RIC1: variants seen among roughly 807,000 people sequenced by gnomAD.
RIC1 encodes the protein guanine nucleotide exchange factor subunit RIC1.
In RIC1, 88 loss-of-function variants were observed where a neutral mutation model predicts 169.0. That is an observed-to-expected ratio of 0.52 (90% CI 0.44 to 0.62). RIC1 has a LOEUF of 0.62. Among genes scored for constraint, RIC1 ranks in the 20% least tolerant of loss-of-function variants. The probability of loss-of-function intolerance (pLI) is 0.00; values close to 1 mark genes in which losing one functional copy is unlikely to be tolerated. For synonymous variants in RIC1, 790 were observed against 601.5 expected (o/e 1.31, Z -4.59); for missense variants, 1,877 against 1,725.5 (o/e 1.09, Z -1.56).
intron 1 of RIC1, among the ~76,000 whole-genome samples, chr9:5,652,851 C>A (rs1458002434): frequency 6.6e-6 from 1 of 152,058 alleles, no homozygotes; most frequent in Non-Finnish European, 1.5e-5. Context: ...TCATATATGG[C>A]TTTTATTGTG....
chr9:5,691,924 C>G (rs1235421435), intron 3 of RIC1, among the ~76,000 whole-genome samples: 1 of 151,952 alleles, frequency 6.6e-6, no homozygotes, highest in Non-Finnish European at 1.5e-5. Flanking sequence ...TATTTTGAGA[C>G]CCACTTTTTG....
intron 3 of RIC1, among the ~76,000 whole-genome samples, chr9:5,693,464 C>T (rs1821704018): frequency 1.3e-5 from 2 of 152,118 alleles, no homozygotes; most frequent in African/African-American, 4.8e-5. Context: ...TATTAAGTGA[C>T]TCTGTACCTC....
intron 2 of RIC1, among the ~76,000 whole-genome samples, chr9:5,689,342 C>G (rs146278087): frequency 6.6e-6 from 1 of 152,186 alleles, no homozygotes; most frequent in South Asian, 2.1e-4. Context: ...TGAGCCACCG[C>G]GCCCGGCCTA....
chr9:5,723,451 G>T (rs1394834560), intron 6 of RIC1, among the ~76,000 whole-genome samples: 2 of 152,160 alleles, frequency 1.3e-5, no homozygotes, highest in Non-Finnish European at 2.9e-5. Context: ...GTAGTTTCTG[G>T]ATATTAGCCC....
At chr9:5,638,484 A>C (rs1324895247) in intron 1 of RIC1, among the ~76,000 whole-genome samples, 1 of 152,110 alleles carries the variant, frequency 6.6e-6, no homozygotes. Context: ...GCTTTTCTTT[A>C]CTGGGAGACT....
At chr9:5,687,975 A>G (rs1183621553) in intron 2 of RIC1, among the ~76,000 whole-genome samples, 1 of 151,860 alleles carries the variant, frequency 6.6e-6, no homozygotes, top group African/African-American at 2.4e-5. Flanking sequence ...TTTTCTGATC[A>G]TTGTCTAACC....
chr9:5,670,442 G>A (rs953329746), intron 2 of RIC1, among the ~76,000 whole-genome samples: 1 of 152,086 alleles, frequency 6.6e-6, no homozygotes. Flanking sequence ...CTTGCCTGAT[G>A]CCTTTAAAAA....
chr9:5,727,443 C>T (rs1042746243), intron 6 of RIC1, among the ~76,000 whole-genome samples: 1 of 152,154 alleles, frequency 6.6e-6, no homozygotes, highest in Non-Finnish European at 1.5e-5. Context: ...TTTGTCTAAT[C>T]TTTTTTCAAG....
intron 1 of RIC1, among the ~76,000 whole-genome samples, chr9:5,646,180 C>G (rs1189010764): frequency 6.6e-6 from 1 of 152,004 alleles, no homozygotes; most frequent in Admixed American, 6.6e-5. Flanking sequence ...TTATTAATGT[C>G]GAGCATCTTT....
At chr9:5,681,114 C>T (rs1820806102) in intron 2 of RIC1, among the ~76,000 whole-genome samples, 1 of 152,070 alleles carries the variant, frequency 6.6e-6, no homozygotes, top group African/African-American at 2.4e-5. Flanking sequence ...GCGTGAGCCA[C>T]CGCGCCCGGC....
At chr9:5,718,362 T>A (rs1462856553) in intron 4 of RIC1, among the ~76,000 whole-genome samples, 4 of 152,096 alleles carry the variant, frequency 2.6e-5, no homozygotes, top group African/African-American at 4.8e-5. Flanking sequence ...AGCCATGAAG[T>A]CTTTGTGTAA....
intron 12 of RIC1, among the ~76,000 whole-genome samples, chr9:5,752,503 C>T (rs575376648): frequency 4.0e-5 from 6 of 151,172 alleles, no homozygotes; most frequent in Admixed American, 1.3e-4. Flanking sequence ...TGCAGTGGCG[C>T]GATCCTGGCT....
rs753074440 is a variant in RIC1, at chr9:5,754,943, T to A, written c.1692+13T>A. ...CCGTCAAGAAGAGGTAAGTTTTTTC[T>A]CTCAGAAATAACAGATTTTTATATT... On this transcript the variant is annotated intron_variant, in intron 15 of 25. Transcript: ENST00000414202. The A allele has an allele frequency of 1.4e-6, 2 of 1,463,914 alleles. No individual in the cohort carries two copies. Among genetic ancestry groups the A allele is most frequent in the Admixed American group, 1.8e-5 (1 of 55,244 alleles). The allele number at this position is 1,463,914 out of a possible 1,614,324, so 90.7% of individuals were successfully genotyped here.
chr9:5,691,288 G>C (rs1027758268), intron 3 of RIC1, among the ~76,000 whole-genome samples: 1 of 151,884 alleles, frequency 6.6e-6, no homozygotes, highest in Non-Finnish European at 1.5e-5. Context: ...AAAATCTAGA[G>C]CAATACAGTA....
At chr9:5,757,106 C>T (rs1202389340) in intron 16 of RIC1, among the ~76,000 whole-genome samples, 3 of 152,164 alleles carry the variant, frequency 2.0e-5, no homozygotes, top group Admixed American at 2.0e-4. Flanking sequence ...ATTTGTTACT[C>T]CCTTTCTTTC....
At chr9:5,759,125 AC>A in intron 17 of RIC1, among the ~76,000 whole-genome samples, 1 of 152,194 alleles carries the variant, frequency 6.6e-6, no homozygotes, top group Admixed American at 6.5e-5. Flanking sequence ...TTTAATGGTA[AC>A]CAGTTAGTCC....
intron 1 of RIC1, among the ~76,000 whole-genome samples, chr9:5,654,444 TCA>T (rs1367851944): frequency 2.0e-5 from 3 of 152,204 alleles, no homozygotes; most frequent in African/African-American, 7.2e-5. Context: ...AGACGGGGTT[TCA>T]CCATGTTGGC....
At chr9:5,647,951 T>TGGG (rs1563866951) in intron 1 of RIC1, among the ~76,000 whole-genome samples, 1 of 113,106 alleles carries the variant, frequency 8.8e-6, no homozygotes, top group Non-Finnish European at 1.8e-5. Flanking sequence ...GTGGTGGTGG[T>TGGG]GGTGGTGGTG....
chr9:5,766,467 A>T (rs1419105157), intron 21 of RIC1, among the ~76,000 whole-genome samples: 1 of 150,802 alleles, frequency 6.6e-6, no homozygotes, highest in Non-Finnish European at 1.5e-5. Context: ...TATACACTGC[A>T]CCATATTTGT....
Sources: gnomAD v4.1 joint callset for allele counts (sites outside exome capture counted in the v4.1 genomes callset) on GRCh38, gnomAD v4.1.1 for gene constraint, MANE v1.5 for transcripts, NCBI Gene and HGNC (gene_info 2026-07-23, HGNC 2026-07-21) for gene names.